Variants in TOP2B observed in about 807,000 individuals in gnomAD.
TOP2B encodes the protein DNA topoisomerase II beta.
Under a neutral mutation model 193.5 loss-of-function variants are expected in TOP2B, and 51 were observed. The ratio of observed to expected loss-of-function variants is 0.26; its 90% CI spans 0.21 to 0.33. TOP2B has a LOEUF of 0.33. Among genes scored for constraint, TOP2B ranks in the 10% least tolerant of loss-of-function variants. TOP2B has a pLI of 1.00. For missense variants in TOP2B, 1,378 were observed against 1,909.3 expected (o/e 0.72, Z 5.19); for synonymous variants, 634 against 635.7 (o/e 1.00, Z 0.04).
intron 1 of TOP2B, among the ~76,000 whole-genome samples, chr3:25,658,200 A>G (rs1269795701): frequency 2.0e-5 from 3 of 151,666 alleles, no homozygotes; most frequent in East Asian, 3.8e-4. Flanking sequence ...CTGCACCCCA[A>G]CCTGGGCAAC....
chr3:25,613,959 G>A (rs537463614), intron 27 of TOP2B, among the ~76,000 whole-genome samples: 20 of 152,058 alleles, frequency 1.3e-4, no homozygotes, highest in Non-Finnish European at 2.6e-4. Flanking sequence ...GTTGTGGTGA[G>A]GGTCACTCTA....
At chr3:25,618,296 T>G (rs774852786) in intron 25 of TOP2B, 122 bp downstream of exon 25, 1 of 673,638 alleles carries the variant, frequency 1.5e-6, no homozygotes, top group African/African-American at 1.8e-5. Context: ...GACTTTAGTC[T>G]CTAAATAGAC....
intron 13 of TOP2B, 21 bp downstream of exon 13, chr3:25,630,008 T>C: frequency 1.9e-6 from 3 of 1,563,100 alleles, no homozygotes; most frequent in Non-Finnish European, 1.7e-6. Flanking sequence ...ATTTGAAATA[T>C]GTGGTAACTT....
Position 25,626,670 on chromosome 3 carries a change from A to T in TOP2B, c.2114T>A (p.Phe705Tyr), listed in dbSNP as rs1243172481. 1.3e-6 allele frequency: 2 copies of T among 1,523,824 alleles called. No individual in the cohort carries two copies. 94.4% of individuals were successfully genotyped at this position (1,523,824 alleles called of 1,614,324 possible). A position where few individuals can be genotyped will look rare whatever the true frequency, so the allele number is the denominator to read the frequency against. ...ATGCTTTGTTGCAGTACCATATAAA[A>T]ATTGCTAAGAGAAAAGTTATATAGC... ...QRRLHGLPEQFLYGTATKHLT... is the reference protein window; with the variant it reads ...QRRLHGLPEQYLYGTATKHLT... The change falls in exon 18 of 36, where the codon TTT (phenylalanine) becomes TAT (tyrosine). Residue 705 changes from phenylalanine to tyrosine, a missense_variant. This residue lies in a region of TOP2B where 379 missense variants were observed against 615.1 expected (regional missense o/e 0.62). Coordinates refer to ENST00000264331, the MANE Select transcript of TOP2B (RefSeq NM_001330700.2).
chr3:25,645,291 A>G lies in TOP2B; in HGVS notation c.240+9T>C. On this transcript the variant is annotated intron_variant, in intron 2 of 35. Coordinates refer to ENST00000264331, the MANE Select transcript of TOP2B (RefSeq NM_001330700.2). ...TCTCCTAATTTCAATCAATTTTAGC[A>G]ATAATTACCTGCGTCAATGGCTCCA... 3 of 1,522,490 alleles carry G rather than the reference A, an allele frequency of 2.0e-6. No individual in the cohort carries two copies. The highest frequency in any genetic ancestry group is 2.7e-6 in the Non-Finnish European group (3 of 1,131,116). The allele number at this position is 1,522,490 out of a possible 1,614,324, so 94.3% of individuals were successfully genotyped here. A position where few individuals can be genotyped will look rare whatever the true frequency, so the allele number is the denominator to read the frequency against.
At chr3:25,607,901 C>T (rs770474464) in intron 30 of TOP2B, among the ~76,000 whole-genome samples, 1 of 152,192 alleles carries the variant, frequency 6.6e-6, no homozygotes, top group Non-Finnish European at 1.5e-5. Context: ...CACCCCTCAG[C>T]CTGCTGAGTA....
rs577112762 is a variant in TOP2B, at chr3:25,645,907, G to A, written c.70-437C>T. ...CCTGAGTAGCTGGGACTACAGGTGC[G>A]CACCACTATGCCCAGGTAATTTTTT... On this transcript the variant is annotated intron_variant, in intron 1 of 35. Transcript: ENST00000264331. Among the ~76,000 whole-genome samples, 1,100 of 150,578 alleles carry A rather than the reference G, an allele frequency of 7.3e-3. 15 individuals are homozygous for A. The highest frequency in any genetic ancestry group is 0.014 in the Middle Eastern group (4 of 288).
At position 25,636,178 on chromosome 3, in the gene TOP2B, A is replaced by C. The variant is rs771269452; in HGVS notation, c.640-30T>G. 5.1e-6 allele frequency: 7 copies of C among 1,378,014 alleles called. No homozygotes were observed. In the South Asian group the frequency reaches 7.7e-5, roughly 15 times the overall value. The allele number at this position is 1,378,014 out of a possible 1,614,324, so 85.4% of individuals were successfully genotyped here. A position where few individuals can be genotyped will look rare whatever the true frequency, so the allele number is the denominator to read the frequency against. On this transcript the variant is annotated intron_variant, in intron 6 of 35. Coordinates refer to ENST00000264331, the MANE Select transcript of TOP2B (RefSeq NM_001330700.2). ...AAAAGAAAAAAATTCAAATATTTCT[A>C]TAATGCTTCCATATCTCATAATATA...
chr3:25,620,155 A>C, intron 22 of TOP2B, 93 bp from the exon 23 acceptor site: 1 of 827,448 alleles, frequency 1.2e-6, no homozygotes, highest in South Asian at 1.8e-5. Flanking sequence ...CTCAACTCTC[A>C]TGGGGAATTA....
In TOP2B at chr3:25,619,913, A is replaced by G. The variant is rs1164447325; in HGVS notation, c.3012T>C (p.Ala1004=). 2 of 1,613,324 alleles carry G rather than the reference A, an allele frequency of 1.2e-6. No homozygotes were observed. Among genetic ancestry groups the G allele is most frequent in the African/African-American group, 2.7e-5 (2 of 74,900 alleles). The change falls in exon 23 of 36, where the codon GCT becomes GCC. Residue 1004 remains alanine, a synonymous_variant. Transcript: ENST00000264331. ...GAAGTTTAAAAACTTTATGCAGTCC[A>G]GCAGCTTCTGCTTGTGCTAGTTTCT... ...TEEKLAQAEA[A]GLHKVFKLQT...
At chr3:25,610,022 CT>C (rs150684566) in intron 28 of TOP2B, among the ~76,000 whole-genome samples, 5,144 of 152,042 alleles carry the variant, frequency 0.034, 242 homozygotes, top group African/African-American at 0.12. Context: ...TAAAAGGTAC[CT>C]GCAAAATAAG....
chr3:25,627,424 C>CTTTTTTTTTTTTTTTTTTTTTTT, intron 15 of TOP2B, 128 bp from the exon 16 acceptor site: 1 of 506,980 alleles, frequency 2.0e-6, no homozygotes, highest in Non-Finnish European at 3.5e-6. Context: ...AGTGATCAAT[C>CTTTTTTTTTTTTTTTTTTTTTTT]TTAATAAGCA....
chr3:25,645,922 G>A (rs1265043171), intron 1 of TOP2B, among the ~76,000 whole-genome samples: 1 of 139,632 alleles, frequency 7.2e-6, no homozygotes, highest in Non-Finnish European at 1.5e-5. Context: ...ACTATGCCCA[G>A]GTAATTTTTT....
At position 25,599,458 on chromosome 3, in the gene TOP2B, T is replaced by C; in HGVS notation, c.4687A>G (p.Lys1563Glu). 3.7e-6 allele frequency: 6 copies of C among 1,613,646 alleles called. No individual in the cohort carries two copies. The highest frequency in any genetic ancestry group is 5.1e-6 in the Non-Finnish European group (6 of 1,179,700). Residue 1563 changes from lysine to glutamate, a missense_variant, in exon 35 of 36, where the codon AAA (lysine) becomes GAA (glutamate). Around this residue, in one of 9 missense-constraint regions of TOP2B, gnomAD observed 556 missense variants for 584.2 expected, o/e 0.95. Transcript: ENST00000264331. ...ACCTTGCTTGTTGTTTTGGATGTTT[T>C]CCTGCCAGGGTTATAATCGCCTTCA... Reference protein sequence around the residue: ...ENEGDYNPGRKTSKTTSKKPK... With the variant: ...ENEGDYNPGRETSKTTSKKPK...
At chr3:25,598,500 T>A in intron 35 of TOP2B, 23 bp from the exon 36 acceptor site, 1 of 1,542,480 alleles carries the variant, frequency 6.5e-7, no homozygotes, top group Non-Finnish European at 8.7e-7. Flanking sequence ...TCAATAGATT[T>A]AAAAGTTATG....
At chr3:25,611,370 G>A (rs1330278442) in intron 28 of TOP2B, among the ~76,000 whole-genome samples, 1 of 152,196 alleles carries the variant, frequency 6.6e-6, no homozygotes, top group Non-Finnish European at 1.5e-5. Flanking sequence ...TATCAGAACA[G>A]AAGAGAAAGG....
rs1702191806 is a variant in TOP2B at position 25,604,703 on chromosome 3, C to T, written c.4489+57G>A. On this transcript the variant is annotated intron_variant, in intron 33 of 35. Transcript: ENST00000264331. The stretch of plus-strand genomic sequence containing the variant: ...AATAGTTTCAAATTAAATTACATTT[C>T]CTTTTACATTAACTATCTCTATCCA... 4 of 1,324,292 alleles carry T rather than the reference C, an allele frequency of 3.0e-6. No homozygotes were observed. The Admixed American group carries it at 6.3e-5, about 21-fold the overall frequency. The allele number at this position is 1,324,292 out of a possible 1,614,324, so 82.0% of individuals were successfully genotyped here. A position where few individuals can be genotyped will look rare whatever the true frequency, so the allele number is the denominator to read the frequency against.
chr3:25,613,646 T>C (rs576538961), intron 27 of TOP2B, among the ~76,000 whole-genome samples: 1 of 151,896 alleles, frequency 6.6e-6, no homozygotes, highest in Non-Finnish European at 1.5e-5. Flanking sequence ...GAGGACTGCT[T>C]GAGCCCAAGT....
intron 27 of TOP2B, 123 bp from the exon 28 acceptor site, chr3:25,612,832 T>C: frequency 1.5e-6 from 1 of 669,778 alleles, no homozygotes; most frequent in Non-Finnish European, 2.4e-6. Context: ...CCTTTTAACT[T>C]ATCTAATTCA....
Sources: allele counts gnomAD v4.1 joint callset (sites outside exome capture counted in the v4.1 genomes callset), GRCh38; gene constraint gnomAD v4.1.1; regional missense constraint gnomAD v4.1.1; transcripts MANE v1.5; gene names NCBI Gene and HGNC (gene_info 2026-07-23, HGNC 2026-07-21).